Variants in HSPA12A observed in about 807,000 individuals in gnomAD.
HSPA12A encodes the protein heat shock protein family A (Hsp70) member 12A, also known as heat shock 70 kDa protein 12A.
A neutral mutation model predicts 69.2 loss-of-function variants in HSPA12A; 28 were observed. That is an observed-to-expected ratio of 0.40 (90% CI 0.30 to 0.55). The LOEUF (loss-of-function observed/expected upper bound fraction) is 0.55. Among genes scored for constraint, HSPA12A ranks in the 20% least tolerant of loss-of-function variants. The pLI is 0.38. For missense variants in HSPA12A, 686 were observed against 900.7 expected (o/e 0.76, Z 3.05); for synonymous variants, 345 against 370.5 (o/e 0.93, Z 0.79).
At chr10:116,789,256 TATA>T (rs1389668507) in intron 2 of HSPA12A, among the ~76,000 whole-genome samples, 12 of 152,114 alleles carry the variant, frequency 7.9e-5, no homozygotes, top group African/African-American at 2.9e-4. Context: ...AAATAATACG[TATA>T]GAAGTATCCT....
intron 2 of HSPA12A, among the ~76,000 whole-genome samples, chr10:116,801,241 C>A (rs1296007758): frequency 6.6e-6 from 1 of 152,198 alleles, no homozygotes; most frequent in Admixed American, 6.5e-5. Context: ...GCAGCACAGG[C>A]ACTCACATTA....
intron 2 of HSPA12A, among the ~76,000 whole-genome samples, chr10:116,800,646 C>T (rs1844936655): frequency 6.6e-6 from 1 of 152,202 alleles, no homozygotes; most frequent in African/African-American, 2.4e-5. Flanking sequence ...CACTCCATCT[C>T]CGCGATGGAT....
At position 116,675,003 on chromosome 10, in the gene HSPA12A, G is replaced by A. The variant is rs782446605; in HGVS notation, c.1806C>T (p.Ile602=). ...KPSQLVIVIN[I]YSSEHDNVSF... is the part of the protein sequence containing the mutation. ...TGACGTTGTCGTGCTCAGAGCTGTA[G>A]ATGTTGATGACAATGACCAGCTGGG... The change falls in exon 12 of 12, where the codon ATC becomes ATT. Residue 602 remains isoleucine (I), a synonymous_variant. Transcript: ENST00000369209. This position sits in a 1 kb window ranked among gnomAD's most constrained non-coding sequence, Gnocchi z 5.2. 1.1e-4 allele frequency: 179 copies of A among 1,614,102 alleles called. No individual in the cohort carries two copies. Among genetic ancestry groups the A allele is most frequent in the Middle Eastern group, 1.6e-4 (1 of 6,084 alleles).
intron 1 of HSPA12A, among the ~76,000 whole-genome samples, chr10:116,719,742 C>A (rs1281448891): frequency 1.3e-5 from 2 of 152,166 alleles, no homozygotes; most frequent in Non-Finnish European, 2.9e-5. Context: ...CTCATATTAT[C>A]TTATTAAACA....
intron 1 of HSPA12A, among the ~76,000 whole-genome samples, chr10:116,717,682 CATT>C (rs1387146047): frequency 6.6e-6 from 1 of 151,964 alleles, no homozygotes; most frequent in Non-Finnish European, 1.5e-5. Flanking sequence ...TTACCATCAT[CATT>C]ATAAAATCGT....
At chr10:116,835,204 C>T (rs74589055) in intron 1 of HSPA12A, 5,660 of 321,180 alleles carry the variant, frequency 0.018, 258 homozygotes, top group East Asian at 0.15. Flanking sequence ...TTACCACCTA[C>T]TTGTTGTGTG....
chr10:116,717,365 C>T (rs966293998), intron 1 of HSPA12A, among the ~76,000 whole-genome samples: 12 of 152,184 alleles, frequency 7.9e-5, no homozygotes, highest in African/African-American at 2.9e-4. Context: ...CAGGAGTCAC[C>T]ATCACAGGGC....
In HSPA12A at chr10:116,783,902, C is replaced by T. The variant is rs565018470; in HGVS notation, c.91+51033G>A. The stretch of plus-strand genomic sequence containing the variant: ...TATTTTTAGTAGAGACAGGGTTTCA[C>T]CATGTTGGCCAGTACGGTCTTGAAC... On this transcript the variant is annotated intron_variant, in intron 2 of 12. Transcript: ENST00000635765. Among the ~76,000 whole-genome samples, 12 of 152,306 alleles carry T rather than the reference C, an allele frequency of 7.9e-5. No individual in the cohort carries two copies. In the South Asian group the frequency reaches 1.0e-3, roughly 13 times the overall value.
intron 2 of HSPA12A, among the ~76,000 whole-genome samples, chr10:116,813,245 C>CTTTTTTTTT (rs1845229706): frequency 3.1e-4 from 4 of 12,786 alleles, no homozygotes; most frequent in Non-Finnish European, 3.0e-4. Context: ...ATCCAGAGCT[C>CTTTTTTTTT]TATTTTTTTT....
intron 2 of HSPA12A, chr10:116,750,534 C>G: frequency 2.5e-6 from 1 of 402,946 alleles, no homozygotes; most frequent in Non-Finnish European, 4.7e-6. Flanking sequence ...CATTTCCTAA[C>G]AGAAGAAGAT....
In HSPA12A at chr10:116,683,971, C is replaced by A; in HGVS notation, c.664-9G>T. 6.4e-7 allele frequency: 1 copy of A among 1,557,584 alleles called. No homozygotes were observed. The highest frequency in any genetic ancestry group is 8.7e-7 in the Non-Finnish European group (1 of 1,143,602). ...GGGGAGGCCAGGCCTGCCTGGAAGACAGAAACAGAGGCTGGGACCCAGGGC... is the reference window on the plus strand; with the variant it reads ...GGGGAGGCCAGGCCTGCCTGGAAGAAAGAAACAGAGGCTGGGACCCAGGGC... On this transcript the variant is annotated splice_polypyrimidine_tract_variant and intron_variant, in intron 6 of 11. Coordinates refer to ENST00000369209, the MANE Select transcript of HSPA12A (RefSeq NM_025015.3).
intron 2 of HSPA12A, among the ~76,000 whole-genome samples, chr10:116,793,968 G>A (rs554501175): frequency 1.2e-4 from 18 of 152,242 alleles, no homozygotes; most frequent in Non-Finnish European, 2.1e-4. Flanking sequence ...GAAGGCTGAC[G>A]TGGGTGGATC....
intron 2 of HSPA12A, among the ~76,000 whole-genome samples, chr10:116,822,409 AC>A (rs1214663320): frequency 1.3e-5 from 2 of 152,234 alleles, no homozygotes; most frequent in Non-Finnish European, 2.9e-5. Flanking sequence ...TTATGAACAT[AC>A]AGAAAGCAGG....
chr10:116,676,363 T>C, intron 11 of HSPA12A, 36 bp downstream of exon 11: 1 of 1,539,450 alleles, frequency 6.5e-7, no homozygotes, highest in South Asian at 1.1e-5. Context: ...TTCTCAGCTC[T>C]GCCTCGCCGA....
chr10:116,849,902 C>T (rs1436747553), upstream of HSPA12A: 7 of 801,354 alleles, frequency 8.7e-6, no homozygotes, highest in Admixed American at 6.1e-5. Flanking sequence ...GGGAAGGACA[C>T]CCAGGGGTGA....
chr10:116,764,528 A>T (rs1844037349), intron 2 of HSPA12A, among the ~76,000 whole-genome samples: 1 of 152,234 alleles, frequency 6.6e-6, no homozygotes, highest in South Asian at 2.1e-4. Context: ...AGGAGTGGGG[A>T]AATATACATA....
At chr10:116,795,814 C>A (rs572892634) in intron 2 of HSPA12A, among the ~76,000 whole-genome samples, 28 of 150,260 alleles carry the variant, frequency 1.9e-4, no homozygotes, top group African/African-American at 5.6e-4. Context: ...ATTCTCATTT[C>A]CAAAATGGAA....
chr10:116,683,308 A>C (rs1554878973), intron 7 of HSPA12A: 1 of 152,320 alleles, frequency 6.6e-6, no homozygotes, highest in African/African-American at 2.4e-5. Flanking sequence ...GCTCCTTCCC[A>C]CAGCTAAGCG....
intron 2 of HSPA12A, among the ~76,000 whole-genome samples, chr10:116,825,543 T>C (rs773573576): frequency 2.0e-5 from 3 of 152,072 alleles, no homozygotes; most frequent in Non-Finnish European, 4.4e-5. Flanking sequence ...TACTGATACA[T>C]GCTACAACAT....
Sources: gnomAD v4.1 joint callset for allele counts (sites outside exome capture counted in the v4.1 genomes callset) on GRCh38, gnomAD v4.1.1 for gene constraint, Gnocchi (gnomAD v3.1) non-coding constraint, MANE v1.5 for transcripts, NCBI Gene and HGNC (gene_info 2026-07-23, HGNC 2026-07-21) for gene names.